KIF3A: variants seen among roughly 807,000 people sequenced by gnomAD.
KIF3A encodes kinesin-like protein KIF3A.
In KIF3A, 27 loss-of-function variants were observed where a neutral mutation model predicts 92.6. The observed-to-expected ratio is 0.29, with a 90% CI of 0.21 to 0.40. The LOEUF is 0.40. Among genes scored for constraint, KIF3A ranks in the 10% least tolerant of loss-of-function variants. The pLI is 1.00. For missense variants in KIF3A, 581 were observed against 872.6 expected (o/e 0.67, Z 4.21); for synonymous variants, 250 against 275.4 (o/e 0.91, Z 0.92).
chr5:132,702,705 T>A (rs771369123), intron 13 of KIF3A, 37 bp from the exon 14 acceptor site: 4 of 1,465,456 alleles, frequency 2.7e-6, no homozygotes, highest in Non-Finnish European at 3.8e-6. Context: ...AATAAATTTC[T>A]TTGTAAAATC....
rs564049579 is a variant in KIF3A at position 132,715,867 on chromosome 5, T to C, written c.1019A>G (p.Asn340Ser). ...DETISTLRYA[N>S]RAKNIKNKAR... ...TTTATTTTTAATATTCTTAGCACGA[T>C]TGGCATACCGTAATGTACTGATAGT... Residue 340 changes from asparagine to serine, a missense_variant, in exon 8 of 19, where the codon AAT becomes AGT. By Grantham distance (46) the Asn-to-Ser change is conservative. This residue lies in a region of KIF3A where 167 missense variants were observed against 205.8 expected (regional missense o/e 0.81). Transcript: ENST00000403231. The C allele has an allele frequency of 1.2e-5, 19 of 1,610,116 alleles. 1 individual carries two copies. Among genetic ancestry groups the C allele is most frequent in the South Asian group, 6.6e-5 (6 of 90,798 alleles).
At position 132,694,835 on chromosome 5, in the gene KIF3A, A is replaced by G. The variant is rs931480480; in HGVS notation, c.*1799T>C. On this transcript the variant is annotated 3_prime_UTR_variant, in exon 19 of 19. Coordinates refer to ENST00000403231, the MANE Select transcript of KIF3A (RefSeq NM_001300791.2). The stretch of plus-strand genomic sequence containing the variant: ...TTTCTAGCTATCTTACATACCACAA[A>G]CAAATGCAGCCAGTGAAATGCAATT... 6 of 152,330 alleles carry G rather than the reference A, an allele frequency of 3.9e-5. No individual in the cohort carries two copies. The highest frequency in any genetic ancestry group is 1.4e-4 in the African/African-American group (6 of 41,444). The allele number at this position is 152,330 out of a possible 1,614,324, so 9.4% of individuals were successfully genotyped here.
chr5:132,713,450 A>T (rs2149903923), intron 8 of KIF3A, among the ~76,000 whole-genome samples: 1 of 152,362 alleles, frequency 6.6e-6, no homozygotes, highest in East Asian at 1.9e-4. Context: ...ATAGCCTACA[A>T]TAATTTTTAA....
At chr5:132,709,034 T>C in intron 9 of KIF3A, 56 bp from the exon 10 acceptor site, 1 of 1,287,470 alleles carries the variant, frequency 7.8e-7, no homozygotes, top group Non-Finnish European at 1.1e-6. Flanking sequence ...AACAAGAAAA[T>C]GAACACACAC....
chr5:132,727,935 T>A (rs1754093195), intron 2 of KIF3A, among the ~76,000 whole-genome samples: 1 of 152,168 alleles, frequency 6.6e-6, no homozygotes, highest in Non-Finnish European at 1.5e-5. Flanking sequence ...CATAACACAC[T>A]TTTCAGACTT....
rs1243442870 is a variant in KIF3A at position 132,702,578 on chromosome 5, G to C, written c.1738C>G (p.Leu580Val). 4.3e-6 allele frequency: 7 copies of C among 1,610,482 alleles called. No homozygotes were observed. Among genetic ancestry groups the C allele is most frequent in the Non-Finnish European group, 5.9e-6 (7 of 1,177,922 alleles). ...TKKLKKVWTM[L>V]MAAKSEMADL... ...CCAACCTCTGACTTTGCAGCCATCA[G>C]CATAGTCCAAACTTTCTTTAACTTC... The change falls in exon 14 of 19, where the codon CTG (leucine) becomes GTG (valine). Residue 580 changes from leucine to valine, a missense_variant. This residue lies in a region of KIF3A where 45 missense variants were observed against 115.8 expected (regional missense o/e 0.39). Transcript: ENST00000403231.
chr5:132,731,541 C>G (rs1754230849), intron 2 of KIF3A, among the ~76,000 whole-genome samples: 2 of 152,158 alleles, frequency 1.3e-5, no homozygotes, highest in Non-Finnish European at 2.9e-5. Context: ...CATCATCATA[C>G]TGGTGAAAGA....
Position 132,737,491 on chromosome 5 carries a change from G to T in KIF3A, c.-72C>A. The T allele has an allele frequency of 1.8e-5, 29 of 1,569,986 alleles. No individual in the cohort carries two copies. Among genetic ancestry groups the T allele is most frequent in the Non-Finnish European group, 2.4e-5 (28 of 1,153,054 alleles). On this transcript the variant is annotated 5_prime_UTR_variant, in exon 1 of 19. Transcript: ENST00000403231. ...CCCAGCGACACCGGGTGCGCAGAAA[G>T]GATGGCCAGAGACTACCGAAACACC...
intron 5 of KIF3A, among the ~76,000 whole-genome samples, chr5:132,719,009 G>T (rs73261409): frequency 6.6e-4 from 100 of 152,266 alleles, no homozygotes; most frequent in African/African-American, 2.4e-3. Flanking sequence ...TTTATTGAAG[G>T]TTATTTAGAT....
downstream of KIF3A, among the ~76,000 whole-genome samples, chr5:132,690,819 C>G (rs368888925): frequency 1.2e-4 from 18 of 147,350 alleles, no homozygotes; most frequent in African/African-American, 4.9e-4. Context: ...CCCAGCTACT[C>G]GGGAGGCTGA....
chr5:132,705,303 G>C (rs17166203), intron 11 of KIF3A, among the ~76,000 whole-genome samples: 48,838 of 151,728 alleles, frequency 0.32, 10,975 homozygotes, highest in East Asian at 0.75. Flanking sequence ...CTTTCCACCT[G>C]AGAATTATAA....
intron 2 of KIF3A, among the ~76,000 whole-genome samples, chr5:132,730,545 G>A (rs1754193910): frequency 6.6e-6 from 1 of 152,010 alleles, no homozygotes. Flanking sequence ...CCAGTGCTTT[G>A]CAAGGCTGAG....
chr5:132,717,011 A>C (rs201221024), intron 5 of KIF3A, 27 bp from the exon 6 acceptor site: 1 of 1,607,878 alleles, frequency 6.2e-7, no homozygotes, highest in Admixed American at 1.7e-5. Flanking sequence ...AAATCCTTTA[A>C]AAGTGTAACA....
At chr5:132,735,845 C>T (rs1754372591) in intron 1 of KIF3A, among the ~76,000 whole-genome samples, 1 of 152,240 alleles carries the variant, frequency 6.6e-6, no homozygotes, top group Non-Finnish European at 1.5e-5. Context: ...CTTCCACCCA[C>T]GTCTGCTTCA....
intron 14 of KIF3A, 85 bp from the exon 15 acceptor site, chr5:132,702,297 G>C: frequency 7.5e-7 from 1 of 1,341,354 alleles, no homozygotes; most frequent in Non-Finnish European, 1.0e-6. Flanking sequence ...GCTTGTCTAA[G>C]AAACCTTGTG....
chr5:132,731,836 G>C (rs1013095293), intron 2 of KIF3A, among the ~76,000 whole-genome samples: 1 of 151,802 alleles, frequency 6.6e-6, no homozygotes, highest in Non-Finnish European at 1.5e-5. Flanking sequence ...CCAGCCTCCC[G>C]AGTAGCTGGG....
rs576657330 is a variant in KIF3A at position 132,733,635 on chromosome 5, C to T, written c.280+570G>A. Among the ~76,000 whole-genome samples, 187 of 152,236 alleles carry T rather than the reference C, an allele frequency of 1.2e-3. 1 individual carries two copies. The highest frequency in any genetic ancestry group is 4.4e-3 in the African/African-American group (183 of 41,538). On this transcript the variant is annotated intron_variant, in intron 2 of 18. Coordinates refer to ENST00000403231, the MANE Select transcript of KIF3A (RefSeq NM_001300791.2). ...CAAAAAAATGAGCCAGGTGTGGTGG[C>T]GCACAGCTGTAGTTCTCATTACTCA...
rs1362185840 is a variant in KIF3A at position 132,696,250 on chromosome 5, G to A, written c.*384C>T. The A allele has an allele frequency of 1.3e-5, 2 of 154,730 alleles. No individual in the cohort carries two copies. Among genetic ancestry groups the A allele is most frequent in the Non-Finnish European group, 2.8e-5 (2 of 71,510 alleles). The allele number at this position is 154,730 out of a possible 1,614,324, so 9.6% of individuals were successfully genotyped here. A position where few individuals can be genotyped will look rare whatever the true frequency, so the allele number is the denominator to read the frequency against. Reference sequence around the variant, plus strand: ...CAATCTGATCTGCTTCTTTCTATGTGCAAAACAGGACACAGTTTTTTTTTT... The same window carrying A: ...CAATCTGATCTGCTTCTTTCTATGTACAAAACAGGACACAGTTTTTTTTTT... On this transcript the variant is annotated 3_prime_UTR_variant, in exon 19 of 19. Transcript: ENST00000403231.
At position 132,715,122 on chromosome 5, in the gene KIF3A, G is replaced by A. The variant is rs529857047; in HGVS notation, c.1129+635C>T. Among the ~76,000 whole-genome samples the A allele has an allele frequency of 2.1e-4, 32 of 152,250 alleles. No homozygotes were observed. The South Asian group carries it at 5.0e-3, about 24-fold the overall frequency. On this transcript the variant is annotated intron_variant, in intron 8 of 18. Transcript: ENST00000403231. ...TTTACGTGGTTCGCGAAGGAGCTCTGTACCAATCAGAAAGGATCTGTTTCT... is the reference window on the plus strand; with the variant it reads ...TTTACGTGGTTCGCGAAGGAGCTCTATACCAATCAGAAAGGATCTGTTTCT...
Sources: gnomAD v4.1 joint callset for allele counts (sites outside exome capture counted in the v4.1 genomes callset) on GRCh38, gnomAD v4.1.1 for gene constraint, gnomAD v4.1.1 regional missense constraint, MANE v1.5 for transcripts, NCBI Gene and HGNC (gene_info 2026-07-23, HGNC 2026-07-21) for gene names.